The following PCDH9 variants were observed in gnomAD, a reference collection of about 807,000 sequenced individuals.
PCDH9 encodes protocadherin 9, also known as protocadherin-9.
PCDH9 carries 24 observed loss-of-function variants against 70.6 expected under a neutral mutation model. The ratio of observed to expected loss-of-function variants is 0.34; its 90% CI spans 0.25 to 0.48. The LOEUF is 0.48. Among genes scored for constraint, PCDH9 ranks in the 20% least tolerant of loss-of-function variants. The pLI, the probability that PCDH9 is intolerant of heterozygous loss-of-function variation, is 0.99. For missense variants in PCDH9, 1,281 were observed against 1,503.6 expected (o/e 0.85, Z 2.45); for synonymous variants, 562 against 558.5 (o/e 1.01, Z -0.09).
intron 2 of PCDH9, among the ~76,000 whole-genome samples, chr13:66,976,400 A>T (rs190097351): frequency 6.6e-6 from 1 of 152,212 alleles, no homozygotes; most frequent in Admixed American, 6.6e-5. Flanking sequence ...TCATATGGGT[A>T]TGGTTTGAGG....
chr13:66,845,472 G>T (rs1420967368), intron 3 of PCDH9, among the ~76,000 whole-genome samples: 1 of 152,240 alleles, frequency 6.6e-6, no homozygotes, highest in African/African-American at 2.4e-5. Context: ...TGTGGGCAGG[G>T]AGGCTTCCTG....
At chr13:66,387,069 A>G (rs1956942447) in intron 4 of PCDH9, among the ~76,000 whole-genome samples, 1 of 152,188 alleles carries the variant, frequency 6.6e-6, no homozygotes, top group East Asian at 1.9e-4. Context: ...CTCTAAGGAT[A>G]ATATACCAGT....
chr13:66,908,430 T>C (rs1445642760), intron 2 of PCDH9, among the ~76,000 whole-genome samples: 1 of 152,206 alleles, frequency 6.6e-6, no homozygotes, highest in Non-Finnish European at 1.5e-5. Context: ...TTTTCTTCAG[T>C]GGAGTCTGTT....
intron 3 of PCDH9, among the ~76,000 whole-genome samples, chr13:66,879,497 T>C (rs2081884030): frequency 6.6e-6 from 1 of 152,182 alleles, no homozygotes; most frequent in Admixed American, 6.6e-5. Flanking sequence ...GCCATTTTTT[T>C]TCTTCTGTAA....
intron 2 of PCDH9, among the ~76,000 whole-genome samples, chr13:67,011,307 A>G (rs1391439207): frequency 6.6e-6 from 1 of 151,910 alleles, no homozygotes; most frequent in African/African-American, 2.4e-5. Flanking sequence ...TAACAGAACA[A>G]AAACATTATT....
chr13:66,460,714 G>T (rs564011675), intron 4 of PCDH9, among the ~76,000 whole-genome samples: 2 of 151,904 alleles, frequency 1.3e-5, no homozygotes, highest in East Asian at 3.9e-4. Flanking sequence ...AGATGAGTCA[G>T]TGGAGAGACA....
intron 4 of PCDH9, among the ~76,000 whole-genome samples, chr13:66,609,050 A>T (rs1231680497): frequency 1.3e-5 from 2 of 152,310 alleles, no homozygotes; most frequent in East Asian, 3.9e-4. Context: ...AATGCTGTTG[A>T]GTGCAAACTT....
chr13:66,940,205 A>G (rs2139681200), intron 2 of PCDH9, among the ~76,000 whole-genome samples: 1 of 152,250 alleles, frequency 6.6e-6, no homozygotes, highest in African/African-American at 2.4e-5. Flanking sequence ...ATTGGCCTTC[A>G]TATTCTAATG....
chr13:67,052,332 T>C (rs1338088288), intron 2 of PCDH9, among the ~76,000 whole-genome samples: 2 of 151,930 alleles, frequency 1.3e-5, no homozygotes, highest in African/African-American at 2.4e-5. Flanking sequence ...GGGGAGATGA[T>C]TTCAGGCAGT....
chr13:66,605,481 A>G (rs1758346407), intron 4 of PCDH9, among the ~76,000 whole-genome samples: 1 of 152,136 alleles, frequency 6.6e-6, no homozygotes, highest in African/African-American at 2.4e-5. Flanking sequence ...GAGCAAAGGC[A>G]AACATGATTT....
intron 4 of PCDH9, among the ~76,000 whole-genome samples, chr13:66,357,998 G>C (rs1367227577): frequency 6.6e-6 from 1 of 151,968 alleles, no homozygotes; most frequent in African/African-American, 2.4e-5. Context: ...TACTGCTTCT[G>C]TTACTAGCAT....
chr13:67,107,179 C>T (rs2086563334), intron 2 of PCDH9, among the ~76,000 whole-genome samples: 1 of 151,662 alleles, frequency 6.6e-6, no homozygotes. Flanking sequence ...TCTTATGGTG[C>T]TTTTCATGGA....
chr13:66,496,991 G>A (rs78152991), intron 4 of PCDH9, among the ~76,000 whole-genome samples: 6,814 of 151,890 alleles, frequency 0.045, 501 homozygotes, highest in African/African-American at 0.16. Flanking sequence ...TTTTCCTCCC[G>A]ACCCCTAAAA....
At chr13:67,128,881 A>G (rs1350919743) in intron 2 of PCDH9, among the ~76,000 whole-genome samples, 1 of 152,148 alleles carries the variant, frequency 6.6e-6, no homozygotes, top group East Asian at 1.9e-4. Context: ...ATGATTTACT[A>G]AAACCCATCT....
At chr13:67,149,844 C>G (rs1370102452) in intron 2 of PCDH9, among the ~76,000 whole-genome samples, 1 of 151,958 alleles carries the variant, frequency 6.6e-6, no homozygotes, top group South Asian at 2.1e-4. Flanking sequence ...CATGTTTAAT[C>G]GTTATGAACA....
intron 3 of PCDH9, among the ~76,000 whole-genome samples, chr13:66,871,836 C>G (rs563738191): frequency 6.1e-4 from 93 of 152,188 alleles, no homozygotes; most frequent in Admixed American, 2.3e-3. Context: ...ACCACCCCCC[C>G]CTCAACATTT....
intron 2 of PCDH9, among the ~76,000 whole-genome samples, chr13:66,966,197 C>T (rs1366879815): frequency 1.3e-5 from 2 of 152,100 alleles, no homozygotes; most frequent in African/African-American, 4.8e-5. Flanking sequence ...CTTGGGCAAG[C>T]CCCTTGGGTT....
chr13:66,603,677 A>C (rs1358396072), intron 4 of PCDH9, among the ~76,000 whole-genome samples: 1 of 152,000 alleles, frequency 6.6e-6, no homozygotes, highest in Non-Finnish European at 1.5e-5. Flanking sequence ...CACTTATTCA[A>C]AAGCGTAAGA....
chr13:66,519,362 G>A (rs1417691275), intron 4 of PCDH9, among the ~76,000 whole-genome samples: 1 of 151,908 alleles, frequency 6.6e-6, no homozygotes, highest in East Asian at 1.9e-4. Context: ...CCATTAATCG[G>A]GTTATGCACA....
Sources: allele counts gnomAD v4.1 joint callset (sites outside exome capture counted in the v4.1 genomes callset), GRCh38; gene constraint gnomAD v4.1.1; transcripts MANE v1.5; gene names NCBI Gene and HGNC (gene_info 2026-07-23, HGNC 2026-07-21).